The following MON2 variants were observed in gnomAD, a reference collection of about 807,000 sequenced individuals.
MON2 encodes the protein MON2 regulator of endosome-to-Golgi trafficking, also known as protein MON2 homolog.
In MON2, 84 loss-of-function variants were observed where a neutral mutation model predicts 208.6. That is an observed-to-expected ratio of 0.40 (90% CI 0.34 to 0.48). The LOEUF (loss-of-function observed/expected upper bound fraction) is 0.48. Ranked by LOEUF, MON2 falls within the 20% of genes least tolerant of loss-of-function variation. MON2 has a pLI of 0.59. For missense variants in MON2, 1,611 were observed against 2,015.4 expected (o/e 0.80, Z 3.84); for synonymous variants, 660 against 694.0 (o/e 0.95, Z 0.77).
intron 29 of MON2, 74 bp downstream of exon 29, chr12:62,566,524 TATC>T: frequency 7.7e-7 from 1 of 1,290,782 alleles, no homozygotes; most frequent in East Asian, 2.5e-5. Flanking sequence ...GGTAATACAT[TATC>T]ATTATATTGG....
intron 6 of MON2, among the ~76,000 whole-genome samples, 191 bp downstream of exon 6, chr12:62,501,071 C>T (rs1044348996): frequency 3.3e-5 from 5 of 151,878 alleles, no homozygotes; most frequent in Non-Finnish European, 5.9e-5. Flanking sequence ...AACGTTATTA[C>T]TCACTTTAAG....
At chr12:62,555,811 A>G (rs2073944612) in intron 24 of MON2, among the ~76,000 whole-genome samples, 183 bp from the exon 25 acceptor site, 1 of 150,590 alleles carries the variant, frequency 6.6e-6, no homozygotes, top group African/African-American at 2.4e-5. Flanking sequence ...TCCATCTAAA[A>G]AAAAAAAAAA....
intron 34 of MON2, among the ~76,000 whole-genome samples, chr12:62,589,814 T>A (rs894896012): frequency 1.3e-5 from 2 of 151,156 alleles, no homozygotes; most frequent in Non-Finnish European, 2.9e-5. Flanking sequence ...ACTCAGTAAC[T>A]CTTTTTTACA....
chr12:62,586,580 G>A (rs1467188417), intron 33 of MON2, among the ~76,000 whole-genome samples: 2 of 152,020 alleles, frequency 1.3e-5, no homozygotes, highest in African/African-American at 4.8e-5. Flanking sequence ...TTAGCTATTT[G>A]TATTTCTTCT....
At chr12:62,513,698 G>GTTCC (rs1487466348) in intron 8 of MON2, among the ~76,000 whole-genome samples, 36 of 123,494 alleles carry the variant, frequency 2.9e-4, no homozygotes, top group South Asian at 1.2e-3. Flanking sequence ...TGTAATCCCA[G>GTTCC]CACTTTGGGA....
intron 29 of MON2, among the ~76,000 whole-genome samples, chr12:62,570,750 T>TTTTTG (rs2074566342): frequency 6.9e-6 from 1 of 145,128 alleles, no homozygotes; most frequent in East Asian, 2.0e-4. Context: ...TTTTTTTTTT[T>TTTTTG]TGAGACAGAG....
intron 2 of MON2, among the ~76,000 whole-genome samples, chr12:62,489,494 G>T (rs2069991326): frequency 6.6e-6 from 1 of 151,764 alleles, no homozygotes; most frequent in Non-Finnish European, 1.5e-5. Flanking sequence ...TTTACCTTTT[G>T]ATTTTTTTAT....
chr12:62,549,846 C>T lies in MON2; in HGVS notation c.2916+16C>T. The T allele has an allele frequency of 6.8e-7, 1 of 1,472,626 alleles. No homozygotes were observed. The highest frequency in any genetic ancestry group is 9.2e-7 in the Non-Finnish European group (1 of 1,085,488). The allele number at this position is 1,472,626 out of a possible 1,614,324, so 91.2% of individuals were successfully genotyped here. A position where few individuals can be genotyped will look rare whatever the true frequency, so the allele number is the denominator to read the frequency against. On this transcript the variant is annotated intron_variant, in intron 23 of 34. Coordinates refer to ENST00000393630, the MANE Select transcript of MON2 (RefSeq NM_015026.3). ...AGGTTTATTGGTAAGTATCATTGTC[C>T]TTAGAATATAATATAATTTAGAAAT...
intron 25 of MON2, among the ~76,000 whole-genome samples, chr12:62,558,689 A>ATTT (rs35839265): frequency 2.9e-5 from 4 of 138,070 alleles, no homozygotes; most frequent in Non-Finnish European, 6.3e-5. Context: ...TTATACCTCA[A>ATTT]TTTTTTTTTT....
intron 5 of MON2, among the ~76,000 whole-genome samples, chr12:62,500,572 A>G (rs1592883522): frequency 6.6e-6 from 1 of 152,352 alleles, no homozygotes; most frequent in East Asian, 1.9e-4. Context: ...GTAAGGTAGC[A>G]AAGAGTGATT....
chr12:62,593,707 A>G lies in MON2; in HGVS notation c.*958A>G, dbSNP rs1328919017. 6.6e-6 allele frequency: 1 copy of G among 152,302 alleles called. No homozygotes were observed. Among genetic ancestry groups the G allele is most frequent in the Non-Finnish European group, 1.5e-5 (1 of 67,984 alleles). The allele number at this position is 152,302 out of a possible 1,614,324, so 9.4% of individuals were successfully genotyped here. A position where few individuals can be genotyped will look rare whatever the true frequency, so the allele number is the denominator to read the frequency against. On this transcript the variant is annotated 3_prime_UTR_variant, in exon 35 of 35. Coordinates refer to ENST00000393630, the MANE Select transcript of MON2 (RefSeq NM_015026.3). ...TATTTCTACTGATTTTGTTTCCCCTAACAACATTTGTCACTGTCTTTGAAT... is the reference window on the plus strand; with the variant it reads ...TATTTCTACTGATTTTGTTTCCCCTGACAACATTTGTCACTGTCTTTGAAT...
rs562094983 is a variant in MON2 at position 62,598,264 on chromosome 12, A to C, written c.*5515A>C. On this transcript the variant is annotated 3_prime_UTR_variant, in exon 35 of 35. Coordinates refer to ENST00000393630, the MANE Select transcript of MON2 (RefSeq NM_015026.3). ...TATCCCCTCAAGTATGAAAAAATTA[A>C]ATTTTCAGACCATTTTCAGTTGCTG... is the stretch of plus-strand genomic sequence containing the variant. 13 of 152,270 alleles carry C rather than the reference A, an allele frequency of 8.5e-5. No homozygotes were observed. Among genetic ancestry groups the C allele is most frequent in the African/African-American group, 3.1e-4 (13 of 41,544 alleles). 9.4% of individuals were successfully genotyped at this position (152,270 alleles called of 1,614,324 possible). A position where few individuals can be genotyped will look rare whatever the true frequency, so the allele number is the denominator to read the frequency against.
At chr12:62,549,566 C>T (rs572985512) in intron 22 of MON2, 102 bp from the exon 23 acceptor site, 15 of 998,374 alleles carry the variant, frequency 1.5e-5, no homozygotes, top group South Asian at 4.0e-5. Flanking sequence ...GAGGCATGAT[C>T]GCACCACTGC....
rs1565655872 is a variant in MON2, at chr12:62,534,531, A to ATATATATAT, written c.1634-314_1634-313insTATATATAT. Among the ~76,000 whole-genome samples the ATATATATAT allele has an allele frequency of 4.8e-4, 19 of 39,380 alleles. 1 individual carries two copies. The highest frequency in any genetic ancestry group is 3.0e-3 in the African/African-American group (19 of 6,324). 25.8% of individuals were successfully genotyped at this position (39,380 alleles called of 152,430 possible). ...AAGACTCCATCGCAAAAAAAAAAAA[A>ATATATATAT]AAAAAAAAAAAATATATATATATAT... On this transcript the variant is annotated intron_variant, in intron 12 of 34. Coordinates refer to ENST00000393630, the MANE Select transcript of MON2 (RefSeq NM_015026.3).
chr12:62,599,113 T>G lies in MON2; in HGVS notation c.*6364T>G, dbSNP rs910741179. ...AGTCACATGTTTAGGATGATCACTTTGGGAAAAAAAAAATTATAGAGTAAA... is the reference window on the plus strand; with the variant it reads ...AGTCACATGTTTAGGATGATCACTTGGGGAAAAAAAAAATTATAGAGTAAA... On this transcript the variant is annotated 3_prime_UTR_variant, in exon 35 of 35. Transcript: ENST00000393630. The G allele has an allele frequency of 3.9e-5, 5 of 128,018 alleles. No individual in the cohort carries two copies. Among genetic ancestry groups the G allele is most frequent in the Admixed American group, 7.5e-5 (1 of 13,348 alleles). 7.9% of individuals were successfully genotyped at this position (128,018 alleles called of 1,614,324 possible). A position where few individuals can be genotyped will look rare whatever the true frequency, so the allele number is the denominator to read the frequency against.
At chr12:62,514,468 A>T (rs1215491495) in intron 8 of MON2, among the ~76,000 whole-genome samples, 1 of 152,246 alleles carries the variant, frequency 6.6e-6, no homozygotes, top group Non-Finnish European at 1.5e-5. Flanking sequence ...TCTTGGAGGA[A>T]GGTGAAAGGC....
chr12:62,585,103 ACACACACAAAACAAAAAAAAAC>A (rs2075167889), intron 32 of MON2, among the ~76,000 whole-genome samples, 169 bp from the exon 33 acceptor site: 1 of 59,632 alleles, frequency 1.7e-5, no homozygotes, highest in Non-Finnish European at 3.3e-5. Flanking sequence ...ACACACACAC[ACACACACAAAACAAAAAAAAAC>A]AAAAAAAAAA....
At chr12:62,557,576 A>G (rs993773435) in intron 25 of MON2, among the ~76,000 whole-genome samples, 1 of 152,182 alleles carries the variant, frequency 6.6e-6, no homozygotes, top group Non-Finnish European at 1.5e-5. Flanking sequence ...ACTTTTGTAC[A>G]TAGTTATGAG....
At chr12:62,522,412 T>A (rs1373553511) in intron 8 of MON2, among the ~76,000 whole-genome samples, 1 of 152,202 alleles carries the variant, frequency 6.6e-6, no homozygotes, top group Non-Finnish European at 1.5e-5. Context: ...CTACCAGATT[T>A]TCTTCATTGT....
Sources: allele counts gnomAD v4.1 joint callset (sites outside exome capture counted in the v4.1 genomes callset), GRCh38; gene constraint gnomAD v4.1.1; transcripts MANE v1.5; gene names NCBI Gene and HGNC (gene_info 2026-07-23, HGNC 2026-07-21).